TMEM74: variants seen among roughly 807,000 people sequenced by gnomAD.
TMEM74 encodes the protein transmembrane protein 74.
Under a neutral mutation model 18.1 loss-of-function variants are expected in TMEM74, and 13 were observed. The observed-to-expected ratio is 0.72, with a 90% CI of 0.47 to 1.14. The LOEUF is 1.14. Among genes scored for constraint, TMEM74 ranks in the 50% most tolerant of loss-of-function variants. The pLI is 0.00. For synonymous variants in TMEM74, 159 were observed against 146.6 expected (o/e 1.08, Z -0.61); for missense variants, 372 against 375.9 (o/e 0.99, Z 0.09).
At chr8:108,776,188 C>T (rs1814231841), downstream of TMEM74, among the ~76,000 whole-genome samples, 1 of 152,166 alleles carries the variant, frequency 6.6e-6, no homozygotes, top group Non-Finnish European at 1.5e-5. Context: ...ATGGTAAAAG[C>T]TATTTTGTTT....
chr8:108,776,728 CATGATGATGATG>C (rs71305917), downstream of TMEM74, among the ~76,000 whole-genome samples: 1 of 147,896 alleles, frequency 6.8e-6, no homozygotes, highest in Non-Finnish European at 1.5e-5. Flanking sequence ...GCAGTTTCCA[CATGATGATGATG>C]ATGATGATGA....
At chr8:108,627,767 A>G (rs1812508784) in intron 2 of TMEM74, among the ~76,000 whole-genome samples, 1 of 151,996 alleles carries the variant, frequency 6.6e-6, no homozygotes, top group Non-Finnish European at 1.5e-5. Context: ...TTAAGAGTCA[A>G]ATTGTCCATG....
intron 1 of TMEM74, among the ~76,000 whole-genome samples, chr8:108,671,461 G>T (rs1369768105): frequency 1.3e-5 from 2 of 152,150 alleles, no homozygotes; most frequent in Non-Finnish European, 2.9e-5. Flanking sequence ...TGACCCCTGT[G>T]CCCAAAAGAA....
chr8:108,759,210 T>C (rs1311735729), intron 1 of TMEM74, among the ~76,000 whole-genome samples: 1 of 152,052 alleles, frequency 6.6e-6, no homozygotes, highest in African/African-American at 2.4e-5. Context: ...TACTGCCTTG[T>C]TTATTTTTTA....
intron 1 of TMEM74, among the ~76,000 whole-genome samples, chr8:108,765,585 G>A (rs3019375): frequency 0.26 from 38,625 of 151,088 alleles, 5,421 homozygotes; most frequent in Middle Eastern, 0.33. Flanking sequence ...TTTTTTGTAT[G>A]TTTAGTAGAG....
chr8:108,720,412 A>G (rs1166996610), intron 1 of TMEM74, among the ~76,000 whole-genome samples: 1 of 152,214 alleles, frequency 6.6e-6, no homozygotes, highest in Non-Finnish European at 1.5e-5. Context: ...CTGATTTGGA[A>G]AAGACATAGT....
At chr8:108,765,018 C>T (rs1404907012) in intron 1 of TMEM74, among the ~76,000 whole-genome samples, 4 of 152,100 alleles carry the variant, frequency 2.6e-5, no homozygotes, top group African/African-American at 9.7e-5. Flanking sequence ...AGTCTCTTCC[C>T]CTTCCGTTTT....
At chr8:108,673,912 G>A (rs901745084) in intron 1 of TMEM74, among the ~76,000 whole-genome samples, 2 of 152,144 alleles carry the variant, frequency 1.3e-5, no homozygotes, top group African/African-American at 4.8e-5. Flanking sequence ...TTAAGTTTGG[G>A]TATGGCAAAT....
chr8:108,620,956 C>G (rs1004447002), intron 2 of TMEM74, among the ~76,000 whole-genome samples: 1 of 152,116 alleles, frequency 6.6e-6, no homozygotes, highest in African/African-American at 2.4e-5. Context: ...TCTCCTGAAG[C>G]CTTTTCTCAT....
chr8:108,652,784 G>T, intron 2 of TMEM74: 2 of 531,676 alleles, frequency 3.8e-6, no homozygotes, highest in South Asian at 1.8e-5. Flanking sequence ...ATTTGAGTAT[G>T]ACCCACCCCA....
chr8:108,727,779 C>G (rs1293103849), intron 1 of TMEM74, among the ~76,000 whole-genome samples: 1 of 151,944 alleles, frequency 6.6e-6, no homozygotes, highest in African/African-American at 2.4e-5. Flanking sequence ...AGAAATGGAC[C>G]AAAGAGTAAG....
chr8:108,734,326 A>G (rs945775573), intron 1 of TMEM74, among the ~76,000 whole-genome samples: 3 of 151,286 alleles, frequency 2.0e-5, no homozygotes, highest in Admixed American at 1.3e-4. Flanking sequence ...TGGTTTCCCT[A>G]TTTTTTCACC....
At chr8:108,695,036 G>T (rs188945748) in intron 1 of TMEM74, among the ~76,000 whole-genome samples, 5 of 152,272 alleles carry the variant, frequency 3.3e-5, no homozygotes, top group Admixed American at 3.3e-4. Context: ...CACACGCTGG[G>T]CCAGGAGTCA....
intron 1 of TMEM74, among the ~76,000 whole-genome samples, chr8:108,696,501 A>G (rs914855606): frequency 6.6e-6 from 1 of 152,242 alleles, no homozygotes; most frequent in African/African-American, 2.4e-5. Context: ...CTAGGTGTGC[A>G]AATAGCGGTA....
chr8:108,708,104 C>G (rs1813435215), intron 1 of TMEM74, among the ~76,000 whole-genome samples: 4 of 152,152 alleles, frequency 2.6e-5, no homozygotes, highest in Admixed American at 2.6e-4. Context: ...TTAGCTCCCA[C>G]TTACAAGTGA....
chr8:108,620,454 C>T (rs1234932879), intron 2 of TMEM74, among the ~76,000 whole-genome samples: 1 of 152,088 alleles, frequency 6.6e-6, no homozygotes, highest in Non-Finnish European at 1.5e-5. Flanking sequence ...TATTAAACAC[C>T]TGTCAGCAAC....
At chr8:108,704,567 A>T (rs141777890) in intron 1 of TMEM74, among the ~76,000 whole-genome samples, 104 of 151,974 alleles carry the variant, frequency 6.8e-4, no homozygotes, top group African/African-American at 2.4e-3. Flanking sequence ...CTTATCTTCC[A>T]CTCATTCATT....
chr8:108,776,555 A>G (rs1199575887), downstream of TMEM74, among the ~76,000 whole-genome samples: 1 of 152,254 alleles, frequency 6.6e-6, no homozygotes, highest in Non-Finnish European at 1.5e-5. Flanking sequence ...AGTTATGACT[A>G]TTCAAGGTCT....
In TMEM74 at chr8:108,715,602, G is replaced by A. The variant is rs533410626; in HGVS notation, n.120-60165C>T. ...GTCATGTAATAATGAGAGGAATGTA[G>A]TTTGAATGACTTTTATATGTAAAGA... On this transcript the variant is annotated intron_variant and non_coding_transcript_variant, in intron 1 of 3. Transcript: ENST00000518838. 1.6e-3 allele frequency among the ~76,000 whole-genome samples: 249 copies of A among 152,122 alleles called. 4 individuals are homozygous for A. The highest frequency in any genetic ancestry group is 2.6e-4 in the Non-Finnish European group (18 of 67,990).
Sources: allele counts gnomAD v4.1 joint callset (sites outside exome capture counted in the v4.1 genomes callset), GRCh38; gene constraint gnomAD v4.1.1; transcripts MANE v1.5; gene names NCBI Gene and HGNC (gene_info 2026-07-23, HGNC 2026-07-21).